TRPM7: variants seen among roughly 807,000 people sequenced by gnomAD.
TRPM7 encodes LTRPC ion channel family member 7.
A neutral mutation model predicts 229.7 loss-of-function variants in TRPM7; 134 were observed. The ratio of observed to expected loss-of-function variants is 0.58; its 90% CI spans 0.51 to 0.67. TRPM7 has a LOEUF of 0.67. TRPM7 is among the 30% of genes least tolerant of loss of function. The pLI, the probability that TRPM7 is intolerant of heterozygous loss-of-function variation, is 0.00. For synonymous variants in TRPM7, 699 were observed against 715.2 expected (o/e 0.98, Z 0.36); for missense variants, 1,901 against 2,210.0 (o/e 0.86, Z 2.80).
chr15:50,601,115 CAAATGCTTGTAATTA>C (rs749763164), intron 21 of TRPM7, among the ~76,000 whole-genome samples: 16 of 152,248 alleles, frequency 1.1e-4, no homozygotes, highest in Middle Eastern at 6.8e-3. Flanking sequence ...TTTTAGAATA[CAAATGCTTGTAATTA>C]AAGGAAAAGC....
intron 27 of TRPM7, chr15:50,588,273 G>A: frequency 6.1e-6 from 6 of 980,962 alleles, no homozygotes; most frequent in Non-Finnish European, 6.1e-6. Flanking sequence ...AGAAAATTAT[G>A]CAACTATTCT....
intron 24 of TRPM7, 80 bp from the exon 25 acceptor site, chr15:50,593,829 C>T (rs2059566079): frequency 7.1e-7 from 1 of 1,405,992 alleles, no homozygotes; most frequent in African/African-American, 1.4e-5. Flanking sequence ...ACGAATTATT[C>T]AGGGTTTCTA....
At chr15:50,613,925 G>T in intron 14 of TRPM7, 84 bp from the exon 15 acceptor site, 1 of 1,489,514 alleles carries the variant, frequency 6.7e-7, no homozygotes, top group Non-Finnish European at 9.1e-7. Flanking sequence ...ATATATGTGT[G>T]CAAATGTGTT....
At chr15:50,572,631 A>G (rs920313489) in intron 36 of TRPM7, among the ~76,000 whole-genome samples, 2 of 152,220 alleles carry the variant, frequency 1.3e-5, no homozygotes, top group Non-Finnish European at 2.9e-5. Context: ...TCTCTAATGT[A>G]TGCTTGTAAT....
At chr15:50,619,998 A>G (rs2060344142) in intron 12 of TRPM7, among the ~76,000 whole-genome samples, 200 bp from the exon 13 acceptor site, 3 of 152,222 alleles carry the variant, frequency 2.0e-5, no homozygotes, top group African/African-American at 4.8e-5. Flanking sequence ...CACTAAAATG[A>G]TACATAAGTT....
At chr15:50,602,642 T>C (rs28657876) in intron 21 of TRPM7, among the ~76,000 whole-genome samples, 10,082 of 152,264 alleles carry the variant, frequency 0.066, 488 homozygotes, top group African/African-American at 0.13. Context: ...AGAGACTCAA[T>C]TGTTGAGTTC....
intron 8 of TRPM7, among the ~76,000 whole-genome samples, chr15:50,633,573 C>CAA (rs930005694): frequency 2.0e-5 from 3 of 152,204 alleles, no homozygotes; most frequent in African/African-American, 7.2e-5. Flanking sequence ...AAAAGTGGCA[C>CAA]AATATATATG....
At position 50,575,115 on chromosome 15, in the gene TRPM7, G is replaced by A. The variant is rs1276508161; in HGVS notation, c.4756C>T (p.Arg1586Cys). 34 of 1,607,604 alleles carry A rather than the reference G, an allele frequency of 2.1e-5. No individual in the cohort carries two copies. Among genetic ancestry groups the A allele is most frequent in the Non-Finnish European group, 2.7e-5 (32 of 1,175,382 alleles). Residue 1586 changes from arginine to cysteine, a missense_variant, in exon 34 of 39, where the codon CGT becomes TGT. By Grantham distance (180) the Arg-to-Cys change is radical (BLOSUM62 -3). This residue lies in a region of TRPM7 where 257 missense variants were observed against 352.0 expected (regional missense o/e 0.73). Coordinates refer to ENST00000646667, the MANE Select transcript of TRPM7 (RefSeq NM_017672.6). ...PPRGEPVTVY[R>C]LEESSPNILN... Reference sequence around the variant, plus strand: ...ATGTTGGGTGAACTCTCTTCCAAACGATACACTGTGACAGGCTCCCCTGCA... The same window carrying A: ...ATGTTGGGTGAACTCTCTTCCAAACAATACACTGTGACAGGCTCCCCTGCA...
rs566973406 is a variant in TRPM7 at position 50,639,660 on chromosome 15, G to A, written c.536-112C>T. 4.0e-4 allele frequency: 350 copies of A among 878,436 alleles called. 1 individual carries two copies. The highest frequency in any genetic ancestry group is 5.3e-4 in the Non-Finnish European group (324 of 607,036). The allele number at this position is 878,436 out of a possible 1,614,324, so 54.4% of individuals were successfully genotyped here. ...CAGCTCACTGCAGCCTCAAACTCCTGGACTCAAGCGATCCTCCCTTGTGAG... is the reference window on the plus strand; with the variant it reads ...CAGCTCACTGCAGCCTCAAACTCCTAGACTCAAGCGATCCTCCCTTGTGAG... On this transcript the variant is annotated intron_variant, in intron 5 of 38. Coordinates refer to ENST00000646667, the MANE Select transcript of TRPM7 (RefSeq NM_017672.6).
chr15:50,620,310 A>ATT (rs35661509), intron 12 of TRPM7, among the ~76,000 whole-genome samples: 5 of 146,052 alleles, frequency 3.4e-5, no homozygotes, highest in South Asian at 2.2e-4. Flanking sequence ...ATTTTTTTCA[A>ATT]TTTTTTTTTT....
chr15:50,594,884 A>C (rs1217595568), intron 23 of TRPM7, among the ~76,000 whole-genome samples: 1 of 152,192 alleles, frequency 6.6e-6, no homozygotes, highest in Non-Finnish European at 1.5e-5. Context: ...ACTTATTAGT[A>C]ATCAAGTAAG....
chr15:50,593,591 C>T lies in TRPM7; in HGVS notation c.3608+26G>A, dbSNP rs766982839. On this transcript the variant is annotated intron_variant, in intron 25 of 38. Transcript: ENST00000646667. ...AATAGATCCCATTTTGACATATAACCGATTTTAACTAAAGGGCTTCTGAAC... is the reference window on the plus strand; with the variant it reads ...AATAGATCCCATTTTGACATATAACTGATTTTAACTAAAGGGCTTCTGAAC... 2.5e-5 allele frequency: 40 copies of T among 1,598,914 alleles called. No individual in the cohort carries two copies. The South Asian group carries it at 2.5e-4, about 10-fold the overall frequency.
At chr15:50,638,822 A>G (rs1301177451) in intron 6 of TRPM7, among the ~76,000 whole-genome samples, 1 of 151,964 alleles carries the variant, frequency 6.6e-6, no homozygotes. Flanking sequence ...AGTAGCTAGG[A>G]GGCACAGGCC....
chr15:50,610,783 T>G (rs1393598878), intron 17 of TRPM7, among the ~76,000 whole-genome samples: 3 of 152,146 alleles, frequency 2.0e-5, no homozygotes, highest in Non-Finnish European at 4.4e-5. Flanking sequence ...GGAATAATCT[T>G]TTCATAAAGT....
intron 6 of TRPM7, 28 bp from the exon 7 acceptor site, chr15:50,637,621 T>C (rs1596273697): frequency 1.9e-6 from 3 of 1,595,036 alleles, no homozygotes; most frequent in Non-Finnish European, 2.6e-6. Flanking sequence ...AAAGAGTTAG[T>C]GAGCAGGATT....
chr15:50,599,936 C>T (rs2059730786), intron 21 of TRPM7, among the ~76,000 whole-genome samples: 1 of 152,080 alleles, frequency 6.6e-6, no homozygotes, highest in Non-Finnish European at 1.5e-5. Context: ...CAATAAAATT[C>T]AAAAAGGGCC....
At chr15:50,657,677 T>C in intron 3 of TRPM7, 104 bp downstream of exon 3, 1 of 1,024,196 alleles carries the variant, frequency 9.8e-7, no homozygotes, top group Non-Finnish European at 1.5e-6. Flanking sequence ...CCATCAAATA[T>C]AATAGCATGT....
In TRPM7 at chr15:50,574,689, G is replaced by A. The variant is rs777360561; in HGVS notation, c.5050C>T (p.Leu1684Phe). 1.2e-5 allele frequency: 19 copies of A among 1,613,926 alleles called. No homozygotes were observed. The highest frequency in any genetic ancestry group is 1.7e-4 in the Middle Eastern group (1 of 6,060). The change falls in exon 35 of 39, where the codon CTT becomes TTT. Residue 1684 changes from leucine to phenylalanine, a missense_variant. Around this residue, in one of 8 missense-constraint regions of TRPM7, gnomAD observed 257 missense variants for 352.0 expected, o/e 0.73. Coordinates refer to ENST00000646667, the MANE Select transcript of TRPM7 (RefSeq NM_017672.6). ...TTCATTTGATTAAAGGCAAACGTAA[G>A]CTTTTGTGCTGCTCTCTGTTGTTGA... ...EIQQQRAAQK[L>F]TFAFNQMKPK...
intron 38 of TRPM7, among the ~76,000 whole-genome samples, chr15:50,565,034 C>T (rs1197988352): frequency 4.0e-5 from 6 of 151,574 alleles, no homozygotes; most frequent in African/African-American, 1.5e-4. Context: ...CACTCTGTCT[C>T]ACAGTGGTGC....
Sources: allele counts gnomAD v4.1 joint callset (sites outside exome capture counted in the v4.1 genomes callset), GRCh38; gene constraint gnomAD v4.1.1; regional missense constraint gnomAD v4.1.1; transcripts MANE v1.5; gene names NCBI Gene and HGNC (gene_info 2026-07-23, HGNC 2026-07-21).